Variants in ULK4 observed in about 807,000 individuals in gnomAD.
ULK4 encodes inactive serine/threonine-protein kinase ULK4.
A neutral mutation model predicts 160.6 loss-of-function variants in ULK4; 133 were observed. The observed-to-expected ratio is 0.83, with a 90% CI of 0.72 to 0.96. ULK4 has a LOEUF of 0.96. ULK4 is among the 40% of genes least tolerant of loss of function. ULK4 has a pLI of 0.00. For missense variants in ULK4, 1,580 were observed against 1,499.5 expected, an observed-to-expected ratio of 1.05 and a Z score of -0.89; for synonymous variants, 534 against 539.8, an observed-to-expected ratio of 0.99 and a Z score of 0.15.
chr3:41,582,291 G>A (rs2030424001), intron 31 of ULK4, among the ~76,000 whole-genome samples: 3 of 152,138 alleles, frequency 2.0e-5, no homozygotes. Context: ...ATGTGGAACT[G>A]TGAGTCCATT....
At chr3:41,403,541 T>C (rs1241740096) in intron 34 of ULK4, among the ~76,000 whole-genome samples, 1 of 152,172 alleles carries the variant, frequency 6.6e-6, no homozygotes, top group African/African-American at 2.4e-5. Context: ...AGAGTCAGCT[T>C]TTTGTTTCAT....
At chr3:41,894,871 C>T (rs1048121826) in intron 16 of ULK4, among the ~76,000 whole-genome samples, 1 of 152,120 alleles carries the variant, frequency 6.6e-6, no homozygotes, top group African/African-American at 2.4e-5. Flanking sequence ...GCAAACAGAA[C>T]CCAGAGCCTT....
chr3:41,335,418 CCATCTT>C (rs1370268924), intron 35 of ULK4, among the ~76,000 whole-genome samples: 1 of 151,962 alleles, frequency 6.6e-6, no homozygotes. Context: ...AAGAATAACT[CCATCTT>C]CATATTATCA....
At chr3:41,377,604 C>G (rs1264097185) in intron 35 of ULK4, among the ~76,000 whole-genome samples, 2 of 145,180 alleles carry the variant, frequency 1.4e-5, no homozygotes, top group Admixed American at 1.4e-4. Context: ...ATTTATGCAG[C>G]CAAAAAACAC....
rs896885596 is a variant in ULK4 at position 41,603,652 on chromosome 3, A to G, written c.3120+12017T>C. Among the ~76,000 whole-genome samples, 8 of 152,196 alleles carry G rather than the reference A, an allele frequency of 5.3e-5. 1 individual carries two copies. Among genetic ancestry groups the G allele is most frequent in the African/African-American group, 9.6e-5 (4 of 41,548 alleles). On this transcript the variant is annotated intron_variant, in intron 31 of 36. Transcript: ENST00000301831. The stretch of plus-strand genomic sequence containing the variant: ...AAATCATACAAATTGAGATATGCAT[A>G]CACATTGTACCAGTGCAGATTTTCT...
intron 9 of ULK4, 74 bp downstream of exon 9, chr3:41,912,733 T>G: frequency 8.0e-7 from 1 of 1,249,720 alleles, no homozygotes; most frequent in Non-Finnish European, 1.1e-6. Flanking sequence ...GTCATTGATG[T>G]TGTATATTTA....
rs143748482 is a variant in ULK4 at position 41,546,515 on chromosome 3, G to T, written c.3226+19510C>A. On this transcript the variant is annotated intron_variant, in intron 32 of 36. Coordinates refer to ENST00000301831, the MANE Select transcript of ULK4 (RefSeq NM_017886.4). ...TCATGTCAGTTCAGCTCTCAGCCTT[G>T]CAACATGTACCCCACATCTGTGAGG... Among the ~76,000 whole-genome samples the T allele has an allele frequency of 2.7e-3, 417 of 152,152 alleles. 4 individuals are homozygous for T. The highest frequency in any genetic ancestry group is 9.6e-3 in the African/African-American group (398 of 41,496).
At chr3:41,724,517 G>T (rs1232720151) in intron 22 of ULK4, among the ~76,000 whole-genome samples, 2 of 152,144 alleles carry the variant, frequency 1.3e-5, no homozygotes, top group African/African-American at 4.8e-5. Flanking sequence ...GAGGTCAGGA[G>T]ATCGAGACCA....
At chr3:41,860,129 A>G (rs893083102) in intron 17 of ULK4, among the ~76,000 whole-genome samples, 1 of 152,162 alleles carries the variant, frequency 6.6e-6, no homozygotes, top group Non-Finnish European at 1.5e-5. Flanking sequence ...GAATTTTTTA[A>G]GACTTGTTTT....
At chr3:41,391,331 T>C (rs1381726663) in intron 35 of ULK4, among the ~76,000 whole-genome samples, 17 of 152,232 alleles carry the variant, frequency 1.1e-4, no homozygotes, top group Admixed American at 1.0e-3. Flanking sequence ...TAAAATTGAT[T>C]GAATTTACTT....
At chr3:41,913,612 CCTAA>C (rs1404300057) in intron 8 of ULK4, among the ~76,000 whole-genome samples, 2 of 152,058 alleles carry the variant, frequency 1.3e-5, no homozygotes, top group Non-Finnish European at 2.9e-5. Flanking sequence ...TTTTACTTAC[CCTAA>C]CTGACACATT....
intron 17 of ULK4, among the ~76,000 whole-genome samples, chr3:41,866,487 C>A: frequency 6.6e-6 from 1 of 152,194 alleles, no homozygotes; most frequent in East Asian, 1.9e-4. Context: ...CTACATCCCT[C>A]GCATGCGCAG....
chr3:41,470,089 A>C (rs902714880), intron 32 of ULK4, among the ~76,000 whole-genome samples: 1 of 148,970 alleles, frequency 6.7e-6, no homozygotes, highest in Non-Finnish European at 1.5e-5. Flanking sequence ...ACTTCTTTTA[A>C]TTTAGGGATA....
At chr3:41,487,361 G>A (rs1046902809) in intron 32 of ULK4, among the ~76,000 whole-genome samples, 1 of 152,050 alleles carries the variant, frequency 6.6e-6, no homozygotes. Context: ...TGATTTTATA[G>A]TTCATTTGAA....
chr3:41,787,885 T>G (rs969032878), intron 21 of ULK4, among the ~76,000 whole-genome samples: 1 of 152,230 alleles, frequency 6.6e-6, no homozygotes, highest in African/African-American at 2.4e-5. Flanking sequence ...CAACCTATTT[T>G]ACTGCTTTTG....
intron 32 of ULK4, among the ~76,000 whole-genome samples, chr3:41,556,215 T>C (rs2087294337): frequency 6.6e-6 from 1 of 152,024 alleles, no homozygotes; most frequent in African/African-American, 2.4e-5. Flanking sequence ...ATATAAGAAA[T>C]GGTAATGGGG....
chr3:41,506,769 T>TATATATATATATATAAATATATATAA (rs2085398651), intron 32 of ULK4, among the ~76,000 whole-genome samples: 4 of 31,616 alleles, frequency 1.3e-4, no homozygotes, highest in African/African-American at 5.6e-4. Context: ...TGATTTAAAA[T>TATATATATATATATAAATATATATAA]ATATATATAT....
At position 41,916,050 on chromosome 3, in the gene ULK4, A is replaced by C. The variant is rs200541028; in HGVS notation, c.730T>G (p.Ser244Ala). Residue 244 changes from serine to alanine, a missense_variant and splice_region_variant, in exon 8 of 37, where the codon TCT becomes GCT. By Grantham distance (99) the Ser-to-Ala change is moderately conservative (BLOSUM62 1). Transcript: ENST00000301831. ...TCTGAAGAAGCTTTAGGACGAGAAGAATCTATAAATGAATTAATTTCCAAG... is the reference window on the plus strand; with the variant it reads ...TCTGAAGAAGCTTTAGGACGAGAAGCATCTATAAATGAATTAATTTCCAAG... ...EDPLPPIPKD[S>A]SRPKASSDFI... The C allele has an allele frequency of 3.2e-5, 50 of 1,569,212 alleles. No individual in the cohort carries two copies. The highest frequency in any genetic ancestry group is 8.4e-5 in the South Asian group (7 of 83,632).
rs188477192 is a variant in ULK4, at chr3:41,382,384, A to C, written c.3678+15695T>G. Among the ~76,000 whole-genome samples the C allele has an allele frequency of 8.1e-4, 124 of 152,326 alleles. 1 individual carries two copies. The highest frequency in any genetic ancestry group is 2.6e-3 in the African/African-American group (107 of 41,572). On this transcript the variant is annotated intron_variant, in intron 35 of 36. Coordinates refer to ENST00000301831, the MANE Select transcript of ULK4 (RefSeq NM_017886.4). ...TCTGTGTGGTACTGAAAAATGCTGA[A>C]TAACTCATTAGAATGACTTCATAAT...
Sources: allele counts gnomAD v4.1 joint callset (sites outside exome capture counted in the v4.1 genomes callset), GRCh38; gene constraint gnomAD v4.1.1; transcripts MANE v1.5; gene names NCBI Gene and HGNC (gene_info 2026-07-23, HGNC 2026-07-21).